Variants in PHKA2 observed in about 807,000 individuals in gnomAD.
The protein encoded by PHKA2 is phosphorylase kinase regulatory subunit alpha 2, also known as phosphorylase b kinase regulatory subunit alpha, liver isoform.
A neutral mutation model predicts 102.0 loss-of-function variants in PHKA2; 31 were observed. The observed-to-expected ratio is 0.30, with a 90% CI of 0.23 to 0.41. PHKA2 has a LOEUF of 0.41. Ranked by LOEUF, PHKA2 falls within the 10% of genes least tolerant of loss-of-function variation. The pLI is 1.00. For synonymous variants in PHKA2, 455 were observed against 416.2 expected, an observed-to-expected ratio of 1.09 and a Z score of -1.13; for missense variants, 858 against 1,023.1, an observed-to-expected ratio of 0.84 and a Z score of 2.20.
chrX:18,968,167 A>T (rs1046746218), intron 1 of PHKA2, among the ~76,000 whole-genome samples: 12 of 111,653 alleles, frequency 1.1e-4, no homozygotes, highest in African/African-American at 3.9e-4. Context: ...CTGAGGCAGG[A>T]GGCTCACTTG....
chrX:18,980,270 G>C (rs1040022885), intron 1 of PHKA2, among the ~76,000 whole-genome samples: 1 of 112,779 alleles, frequency 8.9e-6, no homozygotes, highest in African/African-American at 3.2e-5. Context: ...GGACGGGAAA[G>C]ACCTGACAGT....
intron 1 of PHKA2, among the ~76,000 whole-genome samples, chrX:18,982,650 G>A (rs1393121170): frequency 5.4e-5 from 6 of 111,406 alleles, no homozygotes; most frequent in Admixed American, 1.9e-4. Context: ...CCTGGCCAAC[G>A]CAGTGAAACC....
chrX:18,911,481 A>T (rs1260585919), intron 19 of PHKA2, among the ~76,000 whole-genome samples: 4 of 110,472 alleles, frequency 3.6e-5, no homozygotes, highest in African/African-American at 1.3e-4. Context: ...CCTAATTTTT[A>T]TATTTTTAGT....
Position 18,893,514 on chromosome X carries a change from A to G in PHKA2, c.3679T>C (p.Leu1227=). Residue 1227 remains leucine, a synonymous_variant, in exon 33 of 33, where the codon TTG becomes CTG. Coordinates refer to ENST00000379942, the MANE Select transcript of PHKA2 (RefSeq NM_000292.3). ...TGCATCTGGCAGCCCGAATTGGGCA[A>G]CAATTCCTGCAAATAAGAAGCCACT... is the stretch of plus-strand genomic sequence containing the variant. ...RAVASYLQEL[L]PNSGCQMQ is the part of the protein sequence containing the mutation. 8.3e-7 allele frequency: 1 copy of G among 1,211,731 alleles called. No individual in the cohort carries two copies.
intron 2 of PHKA2, among the ~76,000 whole-genome samples, chrX:18,953,653 G>T (rs1419710115): frequency 8.9e-6 from 1 of 111,876 alleles, no homozygotes; most frequent in East Asian, 2.8e-4. Flanking sequence ...ACGTGTGAAA[G>T]AAATGTAACT....
Position 18,983,938 on chromosome X carries a change from C to G in PHKA2, c.-6G>C. On this transcript the variant is annotated 5_prime_UTR_variant, in exon 1 of 33. Transcript: ENST00000379942. ...GAATTGCTCCTGCTCCGCATCTCCCCGAGGCTCCCAGGCCGCAGCGCCCGA... is the reference window on the plus strand; with the variant it reads ...GAATTGCTCCTGCTCCGCATCTCCCGGAGGCTCCCAGGCCGCAGCGCCCGA... The G allele has an allele frequency of 8.3e-7, 1 of 1,206,637 alleles. No homozygotes were observed. Among genetic ancestry groups the G allele is most frequent in the Non-Finnish European group, 1.1e-6 (1 of 890,457 alleles).
rs188670307 is a variant in PHKA2 at position 18,914,678 on chromosome X, G to A, written c.2138-3718C>T. 6.1e-3 allele frequency among the ~76,000 whole-genome samples: 684 copies of A among 112,309 alleles called. 6 individuals are homozygous for A. The highest frequency in any genetic ancestry group is 0.02 in the African/African-American group (631 of 30,907). ...AAGAGGGTAAAGGAGGAAGGGGCTC[G>A]AAGAGAGAGGGGCTGCTGATTAGCA... On this transcript the variant is annotated intron_variant, in intron 19 of 32. Coordinates refer to ENST00000379942, the MANE Select transcript of PHKA2 (RefSeq NM_000292.3).
intron 8 of PHKA2, among the ~76,000 whole-genome samples, chrX:18,940,949 T>C (rs2048480482): frequency 8.9e-6 from 1 of 112,113 alleles, no homozygotes; most frequent in Admixed American, 9.4e-5. Flanking sequence ...ATTGGAGACA[T>C]AGGGACTCCA....
intron 1 of PHKA2, among the ~76,000 whole-genome samples, chrX:18,980,999 T>C (rs2049163475): frequency 8.9e-6 from 1 of 111,797 alleles, no homozygotes; most frequent in African/African-American, 3.3e-5. Context: ...CTCCTAAACA[T>C]CTGCACAAAG....
intron 11 of PHKA2, among the ~76,000 whole-genome samples, chrX:18,933,267 C>T (rs1201971926): frequency 8.9e-6 from 1 of 112,577 alleles, no homozygotes; most frequent in Non-Finnish European, 1.9e-5. Context: ...TGCCTCTCTG[C>T]ACACCGGTCC....
At position 18,953,292 on chromosome X, in the gene PHKA2, G is replaced by A. The variant is rs946796778; in HGVS notation, c.238-751C>T. Among the ~76,000 whole-genome samples the A allele has an allele frequency of 3.6e-5, 4 of 111,877 alleles. No homozygotes were observed. The East Asian group carries it at 1.1e-3, about 31-fold the overall frequency. The stretch of plus-strand genomic sequence containing the variant: ...CAAACTCAGTGATGGCAAATCTTTG[G>A]TAGGTATCTTGGTTCTGGATTTTGG... On this transcript the variant is annotated intron_variant, in intron 2 of 32. Transcript: ENST00000379942.
Position 18,939,975 on chromosome X carries a change from A to G in PHKA2, c.918+20T>C. The G allele has an allele frequency of 9.1e-7, 1 of 1,093,673 alleles. No individual in the cohort carries two copies. Among genetic ancestry groups the G allele is most frequent in the South Asian group, 1.8e-5 (1 of 54,409 alleles). The allele number at this position is 1,093,673 out of a possible 1,213,427, so 90.1% of individuals were successfully genotyped here. On this transcript the variant is annotated intron_variant, in intron 9 of 32. Coordinates refer to ENST00000379942, the MANE Select transcript of PHKA2 (RefSeq NM_000292.3). ...GATGAAACAGTTGAGGAAAGATAAGAAACAATATTTAAATACAACCTCTCT... is the reference window on the plus strand; with the variant it reads ...GATGAAACAGTTGAGGAAAGATAAGGAACAATATTTAAATACAACCTCTCT...
At chrX:18,958,683 CTGAT>C (rs1254798086) in intron 1 of PHKA2, among the ~76,000 whole-genome samples, 2 of 110,409 alleles carry the variant, frequency 1.8e-5, no homozygotes, top group East Asian at 2.8e-4. Flanking sequence ...CTTCTGTGAG[CTGAT>C]TAAGTTTCAG....
chrX:18,904,310 T>A (rs111957534), intron 26 of PHKA2, among the ~76,000 whole-genome samples: 2,133 of 112,148 alleles, frequency 0.019, 20 homozygotes, highest in Middle Eastern at 0.046. Flanking sequence ...TCTCAGGATT[T>A]AATCAAAATT....
At chrX:18,975,451 T>G (rs867339118) in intron 1 of PHKA2, among the ~76,000 whole-genome samples, 1 of 111,546 alleles carries the variant, frequency 9.0e-6, no homozygotes, top group African/African-American at 3.3e-5. Flanking sequence ...ATTAAACCTC[T>G]CTCTTTTGTA....
At chrX:18,931,271 A>C (rs1039909608) in intron 12 of PHKA2, among the ~76,000 whole-genome samples, 1 of 111,393 alleles carries the variant, frequency 9.0e-6, no homozygotes, top group Non-Finnish European at 1.9e-5. Context: ...GGGCAGGGGC[A>C]CCTAGGGGCC....
At chrX:18,954,534 G>C in intron 1 of PHKA2, 122 bp from the exon 2 acceptor site, 1 of 628,490 alleles carries the variant, frequency 1.6e-6, no homozygotes. Context: ...CAAAGTTCCA[G>C]TCCTTGCTCT....
chrX:18,966,943 C>A lies in PHKA2; in HGVS notation c.79-12531G>T, dbSNP rs751188594. ...AGGAGGGACGGCGAGGCTGGTGGCTCAGACAAGAATGGTGGTGGTGACAGA... is the reference window on the plus strand; with the variant it reads ...AGGAGGGACGGCGAGGCTGGTGGCTAAGACAAGAATGGTGGTGGTGACAGA... On this transcript the variant is annotated intron_variant, in intron 1 of 32. Transcript: ENST00000379942. 2.7e-5 allele frequency among the ~76,000 whole-genome samples: 3 copies of A among 111,450 alleles called. No individual in the cohort carries two copies. In the South Asian group the frequency reaches 1.1e-3, roughly 42 times the overall value.
chrX:18,906,696 G>A (rs1276288390), intron 24 of PHKA2, 40 bp downstream of exon 24: 3 of 1,186,936 alleles, frequency 2.5e-6, no homozygotes, highest in Non-Finnish European at 3.4e-6. Context: ...TCCACTCTGA[G>A]GAAGGCTGTG....
Sources: gnomAD v4.1 joint callset for allele counts (sites outside exome capture counted in the v4.1 genomes callset) on GRCh38, gnomAD v4.1.1 for gene constraint, MANE v1.5 for transcripts, NCBI Gene and HGNC (gene_info 2026-07-23, HGNC 2026-07-21) for gene names.